The following HDAC5 variants were observed in gnomAD, a reference collection of about 807,000 sequenced individuals.
The protein encoded by HDAC5 is antigen NY-CO-9.
In HDAC5, 25 loss-of-function variants were observed where a neutral mutation model predicts 133.3. The observed-to-expected ratio is 0.19, with a 90% CI of 0.14 to 0.26. HDAC5 has a LOEUF of 0.26. Among genes scored for constraint, HDAC5 ranks in the 10% least tolerant of loss-of-function variants. The probability of loss-of-function intolerance (pLI) is 1.00; values close to 1 mark genes in which losing one functional copy is unlikely to be tolerated. For synonymous variants in HDAC5, 589 were observed against 610.8 expected (o/e 0.96, Z 0.53); for missense variants, 1,041 against 1,460.5 (o/e 0.71, Z 4.68).
intron 3 of HDAC5, among the ~76,000 whole-genome samples, chr17:44,105,118 T>G (rs1295216182): frequency 6.6e-6 from 1 of 152,116 alleles, no homozygotes; most frequent in Non-Finnish European, 1.5e-5. Context: ...AGGGGAAACA[T>G]TAAGGCCCGG....
intron 10 of HDAC5, 98 bp from the exon 11 acceptor site, chr17:44,091,590 G>A (rs2050953572): frequency 2.0e-6 from 3 of 1,486,258 alleles, no homozygotes; most frequent in African/African-American, 1.4e-5. Context: ...CTCTGGGTAG[G>A]GCCAACAGAT....
intron 3 of HDAC5, among the ~76,000 whole-genome samples, chr17:44,104,769 CA>C (rs1034372270): frequency 6.6e-5 from 10 of 151,874 alleles, no homozygotes; most frequent in African/African-American, 2.2e-4. Context: ...GCAAGCAGTC[CA>C]AAATTCTTCC....
intron 3 of HDAC5, among the ~76,000 whole-genome samples, chr17:44,108,047 C>G (rs77081685): frequency 1.3e-5 from 2 of 152,204 alleles, no homozygotes; most frequent in African/African-American, 4.8e-5. Flanking sequence ...AACTCCCAGG[C>G]TCCCCAAGCC....
intron 13 of HDAC5, among the ~76,000 whole-genome samples, chr17:44,087,108 C>G (rs1445812525): frequency 6.6e-6 from 1 of 151,484 alleles, no homozygotes; most frequent in South Asian, 2.1e-4. Flanking sequence ...TGTACACACA[C>G]GCACAGGCAC....
rs377247272 is a variant in HDAC5, at chr17:44,098,214, C to T, written c.95-4380G>A. Among the ~76,000 whole-genome samples the T allele has an allele frequency of 1.4e-3, 215 of 152,382 alleles. 2 individuals carry two copies. The highest frequency in any genetic ancestry group is 5.0e-3 in the African/African-American group (207 of 41,590). On this transcript the variant is annotated intron_variant, in intron 3 of 26. Coordinates refer to ENST00000682912, the MANE Select transcript of HDAC5 (RefSeq NM_005474.5). ...GCACAGACCCTGGAGCCTGGCGGGC[C>T]TTGCACTCTCTCAAGGATCTGTGCC...
rs1047683777 is a variant in HDAC5, at chr17:44,082,692, G to A, written c.2520-20C>T. The A allele has an allele frequency of 1.9e-6, 3 of 1,612,732 alleles. No individual in the cohort carries two copies. The highest frequency in any genetic ancestry group is 1.3e-5 in the African/African-American group (1 of 74,904). ...AATCCCCTGAGGAGGGGAGAAAAGGGCAGGAGGTCAGCCTCAGCATGACGT... is the reference window on the plus strand; with the variant it reads ...AATCCCCTGAGGAGGGGAGAAAAGGACAGGAGGTCAGCCTCAGCATGACGT... On this transcript the variant is annotated intron_variant, in intron 19 of 26. Transcript: ENST00000682912.
chr17:44,103,763 C>T (rs2143474422), intron 3 of HDAC5, among the ~76,000 whole-genome samples: 1 of 151,044 alleles, frequency 6.6e-6, no homozygotes, highest in East Asian at 2.0e-4. Flanking sequence ...GGCTGGAGTG[C>T]AATGGCACGA....
At chr17:44,095,711 G>A (rs1457674219) in intron 3 of HDAC5, among the ~76,000 whole-genome samples, 5 of 152,104 alleles carry the variant, frequency 3.3e-5, no homozygotes, top group African/African-American at 7.2e-5. Context: ...CTGGGGGGAG[G>A]GGGAATAAGA....
rs759360237 is a variant in HDAC5 at position 44,078,488 on chromosome 17, G to A, written c.3329+12C>T. ...GGGTGAGGGCAGAGAGGTGGTGCGG[G>A]TTGCTGCTTACCTGGGGCTGTGTTC... On this transcript the variant is annotated intron_variant, in intron 26 of 26. Coordinates refer to ENST00000682912, the MANE Select transcript of HDAC5 (RefSeq NM_005474.5). The A allele has an allele frequency of 1.6e-5, 26 of 1,600,756 alleles. No individual in the cohort carries two copies. The Admixed American group carries it at 1.9e-4, about 12-fold the overall frequency.
In HDAC5 at chr17:44,082,738, C is replaced by G. The variant is rs377542774; in HGVS notation, c.2519+27G>C. 5 of 1,600,902 alleles carry G rather than the reference C, an allele frequency of 3.1e-6. No individual in the cohort carries two copies. In the Admixed American group the frequency reaches 8.8e-5, roughly 28 times the overall value. On this transcript the variant is annotated intron_variant, in intron 19 of 26. Transcript: ENST00000682912. Reference sequence around the variant, plus strand: ...GACGTTTGCAAGAGACAGGAAGGGGCGAGGGCAGAGAATCTAGGGCACTCA... The same window carrying G: ...GACGTTTGCAAGAGACAGGAAGGGGGGAGGGCAGAGAATCTAGGGCACTCA...
intron 18 of HDAC5, among the ~76,000 whole-genome samples, chr17:44,083,294 A>G (rs936210740): frequency 1.3e-5 from 2 of 152,198 alleles, no homozygotes; most frequent in Non-Finnish European, 2.9e-5. Flanking sequence ...TTGAATGCCA[A>G]CCATGAGGCT....
intron 20 of HDAC5, 163 bp downstream of exon 20, chr17:44,082,422 C>T (rs528146851): frequency 1.8e-4 from 109 of 608,476 alleles, no homozygotes; most frequent in South Asian, 1.6e-3. Context: ...GTTAGTCATC[C>T]GGCAGGAGCC....
intron 11 of HDAC5, among the ~76,000 whole-genome samples, chr17:44,089,029 G>A (rs1306530661): frequency 6.6e-6 from 1 of 151,936 alleles, no homozygotes. Flanking sequence ...ACCTCTTCTG[G>A]TGCCAGGGCT....
intron 14 of HDAC5, among the ~76,000 whole-genome samples, chr17:44,085,664 G>C (rs932647942): frequency 1.9e-4 from 29 of 152,010 alleles, no homozygotes; most frequent in African/African-American, 6.5e-4. Context: ...ACCACGCCTG[G>C]CTAATTTTTG....
At chr17:44,110,220 G>A (rs1229469073) in intron 3 of HDAC5, among the ~76,000 whole-genome samples, 2 of 152,196 alleles carry the variant, frequency 1.3e-5, no homozygotes, top group Non-Finnish European at 2.9e-5. Flanking sequence ...CTCCCCAAGT[G>A]TCTGATTCTC....
chr17:44,102,032 A>C (rs115985710), intron 3 of HDAC5, among the ~76,000 whole-genome samples: 55 of 152,316 alleles, frequency 3.6e-4, no homozygotes, highest in Non-Finnish European at 5.3e-4. Flanking sequence ...GCCTCCTCTC[A>C]CAACCCCAGG....
chr17:44,102,432 C>T (rs948304607), intron 3 of HDAC5, among the ~76,000 whole-genome samples: 1 of 152,194 alleles, frequency 6.6e-6, no homozygotes, highest in African/African-American at 2.4e-5. Context: ...GCAATCTTGG[C>T]TCACTGCAAC....
intron 3 of HDAC5, 84 bp from the exon 4 acceptor site, chr17:44,093,918 G>A: frequency 7.1e-7 from 1 of 1,411,900 alleles, no homozygotes; most frequent in Admixed American, 3.2e-5. Context: ...TACCACGCAG[G>A]ATTCTAGGAG....
intron 2 of HDAC5, chr17:44,111,498 G>C: frequency 2.2e-6 from 1 of 455,468 alleles, no homozygotes; most frequent in Non-Finnish European, 4.4e-6. Context: ...ATCTGGGAGC[G>C]GCTCTGGCTG....
Sources: allele counts gnomAD v4.1 joint callset (sites outside exome capture counted in the v4.1 genomes callset), GRCh38; gene constraint gnomAD v4.1.1; transcripts MANE v1.5; gene names NCBI Gene and HGNC (gene_info 2026-07-23, HGNC 2026-07-21).